SLC14A2: variants seen among roughly 807,000 people sequenced by gnomAD.
SLC14A2 encodes the protein solute carrier family 14 member 2, also known as urea transporter 2.
In SLC14A2, 91 loss-of-function variants were observed where a neutral mutation model predicts 104.6. The observed-to-expected ratio is 0.87, with a 90% CI of 0.73 to 1.04. The LOEUF (loss-of-function observed/expected upper bound fraction) is 1.04, where lower values mean the gene tolerates loss of function less well. SLC14A2 is among the 50% of genes least tolerant of loss of function. The probability of loss-of-function intolerance (pLI) is 0.00; values close to 1 mark genes in which losing one functional copy is unlikely to be tolerated. For synonymous variants in SLC14A2, 476 were observed against 466.4 expected, an observed-to-expected ratio of 1.02 and a Z score of -0.27; for missense variants, 1,189 against 1,156.0, an observed-to-expected ratio of 1.03 and a Z score of -0.41.
chr18:45,235,383 A>C (rs2084214754), intron 1 of SLC14A2, among the ~76,000 whole-genome samples: 1 of 152,184 alleles, frequency 6.6e-6, no homozygotes, highest in Admixed American at 6.5e-5. Flanking sequence ...GGTAATTAGA[A>C]TATCCATCAC....
chr18:45,670,185 G>A (rs2046106369), intron 16 of SLC14A2, among the ~76,000 whole-genome samples: 1 of 130,466 alleles, frequency 7.7e-6, no homozygotes, highest in African/African-American at 2.6e-5. Flanking sequence ...TGTAAACTCA[G>A]GGCTTTTTCT....
At chr18:45,380,196 A>G (rs961499093) in intron 1 of SLC14A2, among the ~76,000 whole-genome samples, 1 of 152,218 alleles carries the variant, frequency 6.6e-6, no homozygotes, top group African/African-American at 2.4e-5. Flanking sequence ...GGAAAGAACC[A>G]GGGGCTAAAT....
intron 10 of SLC14A2, among the ~76,000 whole-genome samples, chr18:45,654,485 A>C (rs1568316026): frequency 6.6e-6 from 1 of 152,170 alleles, no homozygotes; most frequent in Non-Finnish European, 1.5e-5. Flanking sequence ...AACCAGGTAC[A>C]CGTCCTAGCC....
intron 2 of SLC14A2, among the ~76,000 whole-genome samples, chr18:45,536,770 A>C (rs952331007): frequency 6.6e-6 from 1 of 152,226 alleles, no homozygotes; most frequent in Non-Finnish European, 1.5e-5. Flanking sequence ...CAAGGAGGTA[A>C]AAATATCCAG....
chr18:45,539,816 C>T (rs1649201123), intron 2 of SLC14A2, among the ~76,000 whole-genome samples: 1 of 149,826 alleles, frequency 6.7e-6, no homozygotes, highest in African/African-American at 2.5e-5. Context: ...TAATAAATAA[C>T]ATGAAATGGG....
intron 2 of SLC14A2, among the ~76,000 whole-genome samples, chr18:45,608,083 G>C (rs143983706): frequency 1.3e-5 from 2 of 152,198 alleles, no homozygotes; most frequent in African/African-American, 4.8e-5. Flanking sequence ...GTTAGAGTAC[G>C]ATGAATTTTT....
At chr18:45,608,782 C>A (rs920493135) in intron 2 of SLC14A2, among the ~76,000 whole-genome samples, 1 of 152,188 alleles carries the variant, frequency 6.6e-6, no homozygotes, top group Non-Finnish European at 1.5e-5. Context: ...TAAGTAGCTT[C>A]TTTGGGAAGT....
At chr18:45,531,358 C>T (rs1165955479) in intron 2 of SLC14A2, among the ~76,000 whole-genome samples, 1 of 152,128 alleles carries the variant, frequency 6.6e-6, no homozygotes, top group Admixed American at 6.6e-5. Context: ...CTCTCCAGCA[C>T]CTGTTGTTTC....
chr18:45,373,062 C>T (rs553466126), intron 1 of SLC14A2, among the ~76,000 whole-genome samples: 4 of 152,250 alleles, frequency 2.6e-5, no homozygotes, highest in South Asian at 2.1e-4. Flanking sequence ...ACACTTCTGT[C>T]GCTTGTAGAC....
chr18:45,616,194 G>C (rs1433180475), intron 1 of SLC14A2, among the ~76,000 whole-genome samples: 1 of 152,162 alleles, frequency 6.6e-6, no homozygotes, highest in African/African-American at 2.4e-5. Context: ...CCCCTAAGTA[G>C]CCTCAACTGA....
chr18:45,678,936 T>A lies in SLC14A2; in HGVS notation c.2513-39T>A, dbSNP rs776717460. 1.5e-5 allele frequency: 24 copies of A among 1,558,420 alleles called. No individual in the cohort carries two copies. The South Asian group carries it at 2.4e-4, about 16-fold the overall frequency. On this transcript the variant is annotated intron_variant, in intron 18 of 19. Transcript: ENST00000255226. ...GCAATCTTGAGGTGCTATTAAATAG[T>A]TACTGGTCTATTTCTTTCTTTTTTT...
At chr18:45,206,901 T>C in the SLC14A2 span, among the ~76,000 whole-genome samples, 2 of 152,198 alleles carry the variant, frequency 1.3e-5, no homozygotes, top group Non-Finnish European at 2.9e-5. Flanking sequence ...TAAGGGCCTT[T>C]ATATGGACTC....
intron 1 of SLC14A2, among the ~76,000 whole-genome samples, chr18:45,481,197 T>C (rs1487517228): frequency 6.6e-6 from 1 of 152,100 alleles, no homozygotes; most frequent in Non-Finnish European, 1.5e-5. Flanking sequence ...ACAGGCATTT[T>C]ATGTGTCTCT....
intron 1 of SLC14A2, among the ~76,000 whole-genome samples, chr18:45,473,757 A>G (rs2087298231): frequency 6.6e-6 from 1 of 152,186 alleles, no homozygotes; most frequent in Non-Finnish European, 1.5e-5. Context: ...GAAGTTGCTG[A>G]TCAGCTTAAG....
At chr18:45,189,566 G>A in the SLC14A2 span, among the ~76,000 whole-genome samples, 1 of 152,224 alleles carries the variant, frequency 6.6e-6, no homozygotes, top group African/African-American at 2.4e-5. Flanking sequence ...GCTGGGTCTT[G>A]TACTTGGACT....
upstream of SLC14A2, among the ~76,000 whole-genome samples, chr18:45,614,236 T>C (rs1427211639): frequency 6.6e-6 from 1 of 152,350 alleles, no homozygotes; most frequent in Non-Finnish European, 1.5e-5. Context: ...AAGTCAAGAA[T>C]TGAGGTTTGG....
At chr18:45,505,016 C>A (rs766138095) in intron 2 of SLC14A2, among the ~76,000 whole-genome samples, 1 of 151,976 alleles carries the variant, frequency 6.6e-6, no homozygotes, top group Non-Finnish European at 1.5e-5. Context: ...TTGTTGGTTT[C>A]CTTAGCAGTT....
intron 1 of SLC14A2, among the ~76,000 whole-genome samples, chr18:45,421,256 C>CT (rs202227442): frequency 0.12 from 17,664 of 142,466 alleles, 1,048 homozygotes; most frequent in Middle Eastern, 0.22. Context: ...AACATCGATC[C>CT]TTTTTTTTTT....
Position 45,682,375 on chromosome 18 carries a change from C to T in SLC14A2, c.2619C>T (p.Leu873=), listed in dbSNP as rs771789005. ...GTCTCTCAGCTCTCACCTTCCTGCTCCTGACGACCAATAACCCCGCCATCT... is the reference window on the plus strand; with the variant it reads ...GTCTCTCAGCTCTCACCTTCCTGCTTCTGACGACCAATAACCCCGCCATCT... ...PFCLSALTFL[L]LTTNNPAIYK... The change falls in exon 20 of 20, where the codon CTC becomes CTT. Residue 873 remains leucine, a synonymous_variant. Coordinates refer to ENST00000255226, the MANE Select transcript of SLC14A2 (RefSeq NM_007163.4). 2 of 1,614,176 alleles carry T rather than the reference C, an allele frequency of 1.2e-6. No homozygotes were observed. Among genetic ancestry groups the T allele is most frequent in the Admixed American group, 3.3e-5 (2 of 60,030 alleles).
Sources: allele counts gnomAD v4.1 joint callset (sites outside exome capture counted in the v4.1 genomes callset), GRCh38; gene constraint gnomAD v4.1.1; transcripts MANE v1.5; gene names NCBI Gene and HGNC (gene_info 2026-07-23, HGNC 2026-07-21).